SDF4: variants seen among roughly 807,000 people sequenced by gnomAD.
SDF4 encodes the protein 45 kDa calcium-binding protein.
In SDF4, 22 loss-of-function variants were observed where a neutral mutation model predicts 34.2. The ratio of observed to expected loss-of-function variants is 0.64; its 90% CI spans 0.46 to 0.92. SDF4 has a LOEUF of 0.92. Among genes scored for constraint, SDF4 ranks in the 40% least tolerant of loss-of-function variants. The pLI is 0.00. For missense variants in SDF4, 447 were observed against 499.9 expected (o/e 0.89, Z 1.01); for synonymous variants, 236 against 203.1 (o/e 1.16, Z -1.38).
chr1:1,229,491 C>T (rs761930724), intron 1 of SDF4, among the ~76,000 whole-genome samples: 21 of 152,228 alleles, frequency 1.4e-4, no homozygotes, highest in African/African-American at 3.6e-4. Flanking sequence ...GGATTACAGG[C>T]GTGAGCCACT....
intron 4 of SDF4, chr1:1,220,364 C>G: frequency 9.0e-7 from 1 of 1,115,398 alleles, no homozygotes; most frequent in Non-Finnish European, 1.1e-6. Flanking sequence ...TCCCCAGAAT[C>G]AGGTCTGAGG....
chr1:1,224,646 C>T (rs1638239496), intron 2 of SDF4, among the ~76,000 whole-genome samples: 1 of 152,170 alleles, frequency 6.6e-6, no homozygotes. Context: ...ACGCAGTGGC[C>T]ACACCTATAA....
Position 1,223,272 on chromosome 1 carries a change from G to A in SDF4, c.528C>T (p.Leu176=), listed in dbSNP as rs201463924. The change falls in exon 4 of 7, where the codon CTC becomes CTT. Residue 176 remains leucine, a synonymous_variant. Coordinates refer to ENST00000360001, the MANE Select transcript of SDF4 (RefSeq NM_016176.6). ...SEKEVADAIR[L]NEELKVDEET... The stretch of plus-strand genomic sequence containing the variant: ...CCTCATCCACTTTGAGTTCCTCGTT[G>A]AGCCTGATGGCGTCGGCAACCTCCT... The A allele has an allele frequency of 8.7e-6, 14 of 1,614,024 alleles. No individual in the cohort carries two copies. The African/African-American group carries it at 1.1e-4, about 12-fold the overall frequency.
chr1:1,225,089 G>A lies in SDF4; in HGVS notation c.306-1121C>T, dbSNP rs148734489. ...CCAGGTCAGGAGGCCACAGGCCCCAGGACAGGTCACTCCCGTCCCAGCTTC... is the reference window on the plus strand; with the variant it reads ...CCAGGTCAGGAGGCCACAGGCCCCAAGACAGGTCACTCCCGTCCCAGCTTC... On this transcript the variant is annotated intron_variant, in intron 2 of 6. Transcript: ENST00000360001. Among the ~76,000 whole-genome samples the A allele has an allele frequency of 7.9e-3, 1,207 of 152,304 alleles. 11 individuals are homozygous for A. The highest frequency in any genetic ancestry group is 9.4e-3 in the Non-Finnish European group (640 of 68,030).
At chr1:1,223,699 C>T (rs1465978575) in intron 3 of SDF4, 133 bp downstream of exon 3, 20 of 861,372 alleles carry the variant, frequency 2.3e-5, no homozygotes, top group South Asian at 1.0e-4. Flanking sequence ...CACCACACCT[C>T]GGGGTCTCCG....
chr1:1,219,519 G>C (rs1373577902), intron 4 of SDF4: 1 of 992,746 alleles, frequency 1.0e-6, no homozygotes, highest in Non-Finnish European at 1.2e-6. Flanking sequence ...TCCTTCACGT[G>C]TGACGTCACA....
rs781392468 is a variant in SDF4 at position 1,223,370 on chromosome 1, A to C, written c.443-13T>G. ...CAAGACACGTGACCTGGAAGAGCAG[A>C]TCACACCTGTCAGGGCCTCTGATAC... On this transcript the variant is annotated splice_polypyrimidine_tract_variant and intron_variant, in intron 3 of 6. Coordinates refer to ENST00000360001, the MANE Select transcript of SDF4 (RefSeq NM_016176.6). 3 of 1,560,630 alleles carry C rather than the reference A, an allele frequency of 1.9e-6. No homozygotes were observed. The highest frequency in any genetic ancestry group is 2.7e-5 in the African/African-American group (2 of 74,064).
Position 1,222,021 on chromosome 1 carries a change from G to C in SDF4, c.556+1223C>G, listed in dbSNP as rs140087332. Reference sequence around the variant, plus strand: ...ATGTGTGTTACTGATAAGTTAAGCAGGCACAAAAAATAAAGGTGTAAGATA... The same window carrying C: ...ATGTGTGTTACTGATAAGTTAAGCACGCACAAAAAATAAAGGTGTAAGATA... On this transcript the variant is annotated intron_variant, in intron 4 of 6. Transcript: ENST00000360001. 2.4e-3 allele frequency among the ~76,000 whole-genome samples: 367 copies of C among 152,290 alleles called. 3 individuals carry two copies. Among genetic ancestry groups the C allele is most frequent in the African/African-American group, 8.4e-3 (348 of 41,552 alleles).
At chr1:1,223,786 G>GGCCCCCCCCCCCCCCCCCCCCCCCC in intron 3 of SDF4, 46 bp downstream of exon 3, 43 of 585,240 alleles carry the variant, frequency 7.3e-5, no homozygotes, top group Middle Eastern at 4.7e-4. Flanking sequence ...CCATGGCCCT[G>GGCCCCCCCCCCCCCCCCCCCCCCCC]CCCGCCCCGC....
chr1:1,225,341 G>T (rs1638267656), intron 2 of SDF4, among the ~76,000 whole-genome samples: 1 of 152,180 alleles, frequency 6.6e-6, no homozygotes, highest in Non-Finnish European at 1.5e-5. Flanking sequence ...TCCGCTCAGG[G>T]GCAGCCGCGG....
intron 4 of SDF4, chr1:1,220,058 C>A (rs955456665): frequency 1.2e-5 from 12 of 986,318 alleles, no homozygotes; most frequent in Non-Finnish European, 1.4e-5. Context: ...TGAGACCCAT[C>A]CAGGAGAGGC....
chr1:1,229,060 C>A, intron 1 of SDF4, 114 bp from the exon 2 acceptor site: 1 of 497,046 alleles, frequency 2.0e-6, no homozygotes, highest in South Asian at 3.0e-5. Context: ...CATGTGGCAT[C>A]GCCTTCTCCA....
intron 2 of SDF4, among the ~76,000 whole-genome samples, chr1:1,226,077 G>A (rs1315291138): frequency 2.6e-5 from 4 of 152,266 alleles, no homozygotes; most frequent in Admixed American, 2.0e-4. Context: ...TGGCTCCTGA[G>A]AGAACAAGGG....
intron 2 of SDF4, among the ~76,000 whole-genome samples, chr1:1,225,876 G>A (rs761598388): frequency 1.3e-5 from 2 of 152,224 alleles, no homozygotes; most frequent in African/African-American, 4.8e-5. Context: ...TCAAGATGTC[G>A]GCAAGGAGTC....
At chr1:1,231,148 C>A (rs572627592) in intron 1 of SDF4, among the ~76,000 whole-genome samples, 1 of 152,358 alleles carries the variant, frequency 6.6e-6, no homozygotes, top group African/African-American at 2.4e-5. Context: ...AGGAGTCCAT[C>A]AAGTGGCGCT....
chr1:1,221,243 T>C lies in SDF4; in HGVS notation c.556+2001A>G, dbSNP rs568250640. On this transcript the variant is annotated intron_variant, in intron 4 of 6. Transcript: ENST00000360001. Reference sequence around the variant, plus strand: ...GGTCAAGGCCAGGCACAGGGGCTCATGCCTGCAACCCCAGGATGGGGAGAG... The same window carrying C: ...GGTCAAGGCCAGGCACAGGGGCTCACGCCTGCAACCCCAGGATGGGGAGAG... 9 of 164,554 alleles carry C rather than the reference T, an allele frequency of 5.5e-5. No homozygotes were observed. In the East Asian group the frequency reaches 1.4e-3, roughly 26 times the overall value. 10.2% of individuals were successfully genotyped at this position (164,554 alleles called of 1,614,324 possible).
chr1:1,218,703 C>A lies in SDF4; in HGVS notation c.715+66G>T. On this transcript the variant is annotated intron_variant, in intron 5 of 6. Coordinates refer to ENST00000360001, the MANE Select transcript of SDF4 (RefSeq NM_016176.6). The surrounding 1 kb of genome is among the most constrained non-coding windows in gnomAD (Gnocchi z 7.9). ...CGCAGGACCTGCCCCGACCTCCCGA[C>A]GATGCCCGGCCCCTGCCAGTCGGTC... 1 of 1,611,344 alleles carries A rather than the reference C, an allele frequency of 6.2e-7. No individual in the cohort carries two copies. Among genetic ancestry groups the A allele is most frequent in the South Asian group, 1.1e-5 (1 of 90,984 alleles).
chr1:1,221,197 A>C (rs1649932670), intron 4 of SDF4: 1 of 187,628 alleles, frequency 5.3e-6, no homozygotes, highest in Non-Finnish European at 1.1e-5. Flanking sequence ...CAGGCTCAAA[A>C]GTCTCCGCGT....
chr1:1,220,581 C>T (rs1208091324), intron 4 of SDF4: 13 of 1,283,654 alleles, frequency 1.0e-5, no homozygotes, highest in South Asian at 8.7e-5. Flanking sequence ...CAAGACGGAT[C>T]GGACACGGGT....
Sources: gnomAD v4.1 joint callset for allele counts (sites outside exome capture counted in the v4.1 genomes callset) on GRCh38, gnomAD v4.1.1 for gene constraint, Gnocchi (gnomAD v3.1) non-coding constraint, MANE v1.5 for transcripts, NCBI Gene and HGNC (gene_info 2026-07-23, HGNC 2026-07-21) for gene names.